GCC2: variants seen among roughly 807,000 people sequenced by gnomAD.
GCC2 encodes the protein GRIP and coiled-coil domain containing 2, also known as GRIP and coiled-coil domain-containing protein 2.
In GCC2, 120 loss-of-function variants were observed where a neutral mutation model predicts 210.6. The observed-to-expected ratio is 0.57, with a 90% confidence interval of 0.49 to 0.66. The LOEUF is 0.66. GCC2 is among the 30% of genes least tolerant of loss of function. GCC2 has a pLI of 0.00. For synonymous variants in GCC2, 703 were observed against 652.7 expected (o/e 1.08, Z -1.17); for missense variants, 1,868 against 1,871.9 (o/e 1.00, Z 0.04).
chr2:108,468,850 G>T (rs1681038249), intron 4 of GCC2, 130 bp from the exon 5 acceptor site: 1 of 582,688 alleles, frequency 1.7e-6, no homozygotes, highest in Non-Finnish European at 3.1e-6. Flanking sequence ...TTCTCTTTGC[G>T]CAATGTGTTC....
rs1219655739 is a variant in GCC2, at chr2:108,509,344, A to G, written c.*1714A>G. ...GGCATATTCTTTCATGGTTTCTGCA[A>G]TGAGAGGAAGTGTAATGATTATTTT... On this transcript the variant is annotated 3_prime_UTR_variant, in exon 23 of 23. Coordinates refer to ENST00000309863, the MANE Select transcript of GCC2 (RefSeq NM_181453.4). 2.6e-5 allele frequency: 4 copies of G among 152,492 alleles called. No individual in the cohort carries two copies. Among genetic ancestry groups the G allele is most frequent in the Admixed American group, 2.0e-4 (3 of 15,284 alleles). 9.4% of individuals were successfully genotyped at this position (152,492 alleles called of 1,614,324 possible). A position where few individuals can be genotyped will look rare whatever the true frequency, so the allele number is the denominator to read the frequency against.
chr2:108,449,322 C>T (rs1679769694), intron 1 of GCC2, 42 bp downstream of exon 1: 2 of 1,541,782 alleles, frequency 1.3e-6, no homozygotes, highest in South Asian at 1.2e-5. Context: ...AAGCCTTCCG[C>T]GCCGCGATTT....
In GCC2 at chr2:108,507,805, C is replaced by T. The variant is rs1558766717; in HGVS notation, c.*175C>T. 5.7e-6 allele frequency: 3 copies of T among 527,616 alleles called. No individual in the cohort carries two copies. The highest frequency in any genetic ancestry group is 3.6e-5 in the Admixed American group (1 of 27,646). 32.7% of individuals were successfully genotyped at this position (527,616 alleles called of 1,614,324 possible). A position where few individuals can be genotyped will look rare whatever the true frequency, so the allele number is the denominator to read the frequency against. On this transcript the variant is annotated 3_prime_UTR_variant, in exon 23 of 23. Transcript: ENST00000309863. ...GTTTCATCTTGAAGTAAAAGTACAA[C>T]AGCTTGAAGTGTTGATAGCAGGCCA...
chr2:108,493,388 G>A (rs185013598), intron 19 of GCC2: 228 of 968,872 alleles, frequency 2.4e-4, no homozygotes, highest in Admixed American at 5.7e-4. Context: ...GCGCCTGGCC[G>A]ACACATGTCT....
chr2:108,506,337 C>A (rs1042379933), intron 22 of GCC2, among the ~76,000 whole-genome samples: 12 of 152,192 alleles, frequency 7.9e-5, no homozygotes, highest in South Asian at 2.1e-4. Flanking sequence ...TCTCAAATGC[C>A]TTATGCCAGT....
intron 21 of GCC2, among the ~76,000 whole-genome samples, chr2:108,498,517 A>T (rs1347229618): frequency 5.3e-5 from 8 of 152,042 alleles, no homozygotes; most frequent in Non-Finnish European, 7.4e-5. Context: ...TCATAAATTT[A>T]TACTCTCTTC....
Position 108,475,623 on chromosome 2 carries a change from C to T in GCC2, c.2949C>T (p.Ser983=), listed in dbSNP as rs749450889. ...TAAAGGCAAAGAAAGAACTAGATTC[C>T]AGCAGAAAAGAGGTGAGCTGACTTT... The part of the protein sequence containing the change: ...VAVKAKKELD[S]SRKETQTVKE... The change falls in exon 8 of 23, where the codon TCC becomes TCT. Residue 983 remains serine, a synonymous_variant. Coordinates refer to ENST00000309863, the MANE Select transcript of GCC2 (RefSeq NM_181453.4). 2.0e-6 allele frequency: 3 copies of T among 1,537,808 alleles called. No homozygotes were observed. In the South Asian group the frequency reaches 3.7e-5, roughly 19 times the overall value.
intron 6 of GCC2, 137 bp from the exon 7 acceptor site, chr2:108,472,690 C>G (rs1681300815): frequency 1.6e-6 from 1 of 608,976 alleles, no homozygotes; most frequent in Non-Finnish European, 2.9e-6. Flanking sequence ...AATCTGTTGA[C>G]CAAATTGGTT....
intron 13 of GCC2, 179 bp downstream of exon 13, chr2:108,484,490 T>G (rs1386732110): frequency 2.3e-6 from 1 of 429,916 alleles, no homozygotes; most frequent in Non-Finnish European, 4.3e-6. Context: ...AAGTTGTTTG[T>G]AGTCCATGCC....
intron 9 of GCC2, among the ~76,000 whole-genome samples, chr2:108,479,150 G>C (rs1050386102): frequency 1.3e-5 from 2 of 151,664 alleles, no homozygotes; most frequent in Non-Finnish European, 2.9e-5. Context: ...GCGACAGAGC[G>C]AGACAACGTC....
chr2:108,452,570 C>G (rs776793870), intron 4 of GCC2, 104 bp downstream of exon 4: 40 of 735,736 alleles, frequency 5.4e-5, no homozygotes, highest in Non-Finnish European at 9.4e-5. Context: ...TACTTCCTCT[C>G]TGCCTTGGTT....
Position 108,471,078 on chromosome 2 carries a change from A to C in GCC2, c.1749A>C (p.Lys583Asn), listed in dbSNP as rs759869953. 1.3e-6 allele frequency: 2 copies of C among 1,582,692 alleles called. No homozygotes were observed. The highest frequency in any genetic ancestry group is 2.7e-5 in the African/African-American group (2 of 73,846). ...TCAGTCAAAGAGATACCATGTTAAA[A>C]GAATTAGAAGGAAAGATAAATTCTC... ...LSLSQRDTML[K>N]ELEGKINSLT... Residue 583 changes from lysine (K) to asparagine (N), a missense_variant, in exon 6 of 23, where the codon AAA becomes AAC. Physicochemically the swap from Lys to Asn is moderately conservative, Grantham distance 94. Coordinates refer to ENST00000309863, the MANE Select transcript of GCC2 (RefSeq NM_181453.4).
At chr2:108,488,080 A>AT (rs1177080484) in intron 17 of GCC2, among the ~76,000 whole-genome samples, 3 of 151,408 alleles carry the variant, frequency 2.0e-5, no homozygotes, top group Non-Finnish European at 2.9e-5. Flanking sequence ...TAATTTTTGT[A>AT]TTTTTTATTA....
At chr2:108,503,193 T>C (rs1683014617) in intron 22 of GCC2, among the ~76,000 whole-genome samples, 1 of 151,820 alleles carries the variant, frequency 6.6e-6, no homozygotes, top group Admixed American at 6.6e-5. Context: ...AATCTACTTC[T>C]AGTCACATAA....
intron 1 of GCC2, 124 bp downstream of exon 1, chr2:108,449,404 T>C: frequency 1.4e-6 from 2 of 1,436,532 alleles, no homozygotes. Flanking sequence ...CGCGCTGCTG[T>C]CGCCTCCCCA....
chr2:108,453,159 C>CTCTCACACATTTCACTTA (rs1363474117), intron 4 of GCC2, among the ~76,000 whole-genome samples: 3 of 152,180 alleles, frequency 2.0e-5, no homozygotes, highest in Non-Finnish European at 4.4e-5. Context: ...TTGTGTTTCC[C>CTCTCACACATTTCACTTA]TCTCACACAT....
intron 9 of GCC2, 116 bp from the exon 10 acceptor site, chr2:108,481,581 G>T: frequency 3.0e-6 from 2 of 675,278 alleles, no homozygotes; most frequent in Admixed American, 2.9e-5. Flanking sequence ...GTTCAACTTG[G>T]GTAAATATTT....
rs372896071 is a variant in GCC2 at position 108,481,692 on chromosome 2, T to G, written c.3061-5T>G. 3 of 1,577,292 alleles carry G rather than the reference T, an allele frequency of 1.9e-6. No individual in the cohort carries two copies. The highest frequency in any genetic ancestry group is 2.6e-6 in the Non-Finnish European group (3 of 1,166,212). ...TACCAAAGTTAAATCCTTCTTTTATTGAAGAATCTTTTATTAGAATATGAA... is the reference window on the plus strand; with the variant it reads ...TACCAAAGTTAAATCCTTCTTTTATGGAAGAATCTTTTATTAGAATATGAA... On this transcript the variant is annotated splice_polypyrimidine_tract_variant and splice_region_variant and intron_variant, in intron 9 of 22. Transcript: ENST00000309863.
rs762900631 is a variant in GCC2, at chr2:108,472,898, A to G, written c.2859A>G (p.Ile953Met). Residue 953 changes from isoleucine (I) to methionine (M), a missense_variant and splice_region_variant, in exon 7 of 23, where the codon ATA becomes ATG. Transcript: ENST00000309863. Reference sequence around the variant, plus strand: ...CAGTAAAAGAGTTGGAAGAAAAAATAGGTAACTATGGTTTTGCAGATGTTG... The same window carrying G: ...CAGTAAAAGAGTTGGAAGAAAAAATGGGTAACTATGGTTTTGCAGATGTTG... ...LSSVKELEEKIENLEKECKEK... is the reference protein window; with the variant it reads ...LSSVKELEEKMENLEKECKEK... 1 of 1,540,442 alleles carries G rather than the reference A, an allele frequency of 6.5e-7. No individual in the cohort carries two copies. Among genetic ancestry groups the G allele is most frequent in the East Asian group, 2.3e-5 (1 of 44,232 alleles).
Sources: allele counts gnomAD v4.1 joint callset (sites outside exome capture counted in the v4.1 genomes callset), GRCh38; gene constraint gnomAD v4.1.1; transcripts MANE v1.5; gene names NCBI Gene and HGNC (gene_info 2026-07-23, HGNC 2026-07-21).